The following ITGB4 variants were observed in gnomAD, a reference collection of about 807,000 sequenced individuals.
The protein encoded by ITGB4 is integrin beta-4.
ITGB4 carries 159 observed loss-of-function variants against 207.6 expected under a neutral mutation model. That is an observed-to-expected ratio of 0.77 (90% CI 0.67 to 0.87). ITGB4 has a LOEUF of 0.87. Among genes scored for constraint, ITGB4 ranks in the 40% least tolerant of loss-of-function variants. ITGB4 has a pLI of 0.00. For synonymous variants in ITGB4, 1,020 were observed against 1,062.7 expected (o/e 0.96, Z 0.78); for missense variants, 2,278 against 2,546.8 (o/e 0.89, Z 2.27).
chr17:75,752,568 G>A lies in ITGB4; in HGVS notation c.4099G>A (p.Asp1367Asn), dbSNP rs150008568. Residue 1367 changes from aspartate (D) to asparagine (N), a missense_variant, in exon 32 of 40, where the codon GAT becomes AAT. Asp to Asn is a conservative substitution (Grantham distance 23). Transcript: ENST00000200181. ...GGGCAGCCAGAGGCCCAGCGTCTCCGATGACACTGGTGAGTGGAGACCTGG... is the reference window on the plus strand; with the variant it reads ...GGGCAGCCAGAGGCCCAGCGTCTCCAATGACACTGGTGAGTGGAGACCTGG... Reference protein sequence around the residue: ...PSGSQRPSVSDDTGCGWKFEP... With the variant: ...PSGSQRPSVSNDTGCGWKFEP... The A allele has an allele frequency of 3.5e-5, 56 of 1,613,574 alleles. No individual in the cohort carries two copies. Among genetic ancestry groups the A allele is most frequent in the South Asian group, 8.8e-5 (8 of 91,082 alleles).
chr17:75,733,385 C>CAAA, intron 12 of ITGB4, 105 bp from the exon 13 acceptor site: 35 of 810,256 alleles, frequency 4.3e-5, no homozygotes, highest in South Asian at 7.1e-5. Context: ...GACTCCGTCT[C>CAAA]AAAAAAAAAA....
At chr17:75,745,839 A>C (rs1327522118) in intron 26 of ITGB4, among the ~76,000 whole-genome samples, 3 of 152,130 alleles carry the variant, frequency 2.0e-5, no homozygotes, top group Admixed American at 6.6e-5. Flanking sequence ...AGATCATGCC[A>C]CTGCACTACA....
chr17:75,744,703 G>A (rs1410915569), intron 26 of ITGB4, among the ~76,000 whole-genome samples: 1 of 152,216 alleles, frequency 6.6e-6, no homozygotes, highest in Non-Finnish European at 1.5e-5. Context: ...GAGCCCCAGT[G>A]CTGGGGTACA....
At position 75,742,498 on chromosome 17, in the gene ITGB4, G is replaced by A; in HGVS notation, c.2782+9G>A. On this transcript the variant is annotated intron_variant, in intron 24 of 39. Coordinates refer to ENST00000200181, the MANE Select transcript of ITGB4 (RefSeq NM_000213.5). The surrounding 1 kb of genome is among the most constrained non-coding windows in gnomAD (Gnocchi z 5.9). ...CCTCACTGCAGACCAGGGTAGGAGGGCGGGTCCGCTGTGCCACTGCCTCGC... is the reference window on the plus strand; with the variant it reads ...CCTCACTGCAGACCAGGGTAGGAGGACGGGTCCGCTGTGCCACTGCCTCGC... 2 of 1,613,074 alleles carry A rather than the reference G, an allele frequency of 1.2e-6. No homozygotes were observed. The highest frequency in any genetic ancestry group is 1.1e-5 in the South Asian group (1 of 91,038).
rs772133045 is a variant in ITGB4 at position 75,728,370 on chromosome 17, C to T, written c.470-7C>T. 1.9e-6 allele frequency: 3 copies of T among 1,613,792 alleles called. No homozygotes were observed. The Admixed American group carries it at 5.0e-5, about 27-fold the overall frequency. On this transcript the variant is annotated splice_region_variant and splice_polypyrimidine_tract_variant and intron_variant, in intron 5 of 39. Coordinates refer to ENST00000200181, the MANE Select transcript of ITGB4 (RefSeq NM_000213.5). Reference sequence around the variant, plus strand: ...AGCTATCCCCTCTCTGTCCTTTTGACATCCAGCTCGGGTCCTGAGCCAGCT... The same window carrying T: ...AGCTATCCCCTCTCTGTCCTTTTGATATCCAGCTCGGGTCCTGAGCCAGCT...
In ITGB4 at chr17:75,756,798, A is replaced by G; in HGVS notation, c.4992A>G (p.Pro1664=). The G allele has an allele frequency of 1.9e-6, 3 of 1,612,630 alleles. No individual in the cohort carries two copies. The highest frequency in any genetic ancestry group is 2.5e-6 in the Non-Finnish European group (3 of 1,180,004). ...CGCTGCAGCTGAGCTGGGAGCGGCC[A>G]CGGAGGCCCAATGGGGATATCGTCG... ...PDSLQLSWER[P]RRPNGDIVGY... is the part of the protein sequence containing the mutation. Residue 1664 remains proline, a synonymous_variant, in exon 37 of 40, where the codon CCA becomes CCG. Transcript: ENST00000200181.
chr17:75,730,035 G>A (rs559292360), intron 7 of ITGB4, among the ~76,000 whole-genome samples: 16 of 152,364 alleles, frequency 1.1e-4, no homozygotes, highest in East Asian at 3.9e-4. Context: ...AGCGCCTTGC[G>A]GGGGCCGCAT....
At position 75,757,589 on chromosome 17, in the gene ITGB4, AG is replaced by A; in HGVS notation, c.*36del. ...TGCCCCACCCCCGCCACGTCCCACT[AG>A]GCGTCCTCCCGACTCCTCTCCCGGA... On this transcript the variant is annotated 3_prime_UTR_variant, in exon 40 of 40. Coordinates refer to ENST00000200181, the MANE Select transcript of ITGB4 (RefSeq NM_000213.5). The A allele has an allele frequency of 6.2e-7, 1 of 1,612,516 alleles. No individual in the cohort carries two copies. The highest frequency in any genetic ancestry group is 1.1e-5 in the South Asian group (1 of 91,060).
chr17:75,742,416 G>A lies in ITGB4; in HGVS notation c.2709G>A (p.Glu903=). Residue 903 remains glutamate (E), a synonymous_variant, in exon 24 of 40, where the codon GAG becomes GAA. Transcript: ENST00000200181. The surrounding 1 kb of genome is among the most constrained non-coding windows in gnomAD (Gnocchi z 5.9). ...AGCCGGCCCTGCTGAAGCTTACAGA[G>A]AAGCAGGTGGAACAGAGGGCCTTCC... ...SAKPALLKLT[E]KQVEQRAFHD... 6.2e-7 allele frequency: 1 copy of A among 1,613,340 alleles called. No individual in the cohort carries two copies. Among genetic ancestry groups the A allele is most frequent in the Non-Finnish European group, 8.5e-7 (1 of 1,179,944 alleles).
In ITGB4 at chr17:75,752,186, C is replaced by A. The variant is rs746679045; in HGVS notation, c.3806C>A (p.Pro1269His). 1.9e-6 allele frequency: 3 copies of A among 1,613,964 alleles called. No homozygotes were observed. The highest frequency in any genetic ancestry group is 1.1e-5 in the South Asian group (1 of 91,080). Residue 1269 changes from proline to histidine, a missense_variant, in exon 31 of 40, where the codon CCC (proline) becomes CAC (histidine). Coordinates refer to ENST00000200181, the MANE Select transcript of ITGB4 (RefSeq NM_000213.5). The stretch of plus-strand genomic sequence containing the variant: ...CTCTCTGCCCCAGGACCTATTGGGC[C>A]CATGAAGAAAGTGCTGGTTGACAAC... ...LVNDDNRPIG[P>H]MKKVLVDNPK...
chr17:75,742,898 T>C lies in ITGB4; in HGVS notation c.2962+137T>C. ...CTCTGCAAGCCTTGGTTTCTCCATCTGTAAAATGGGTAAGGGCTCTTTTAC... is the reference window on the plus strand; with the variant it reads ...CTCTGCAAGCCTTGGTTTCTCCATCCGTAAAATGGGTAAGGGCTCTTTTAC... On this transcript the variant is annotated intron_variant, in intron 25 of 39. Transcript: ENST00000200181. This position sits in a 1 kb window ranked among gnomAD's most constrained non-coding sequence, Gnocchi z 5.9. 1 of 809,628 alleles carries C rather than the reference T, an allele frequency of 1.2e-6. No homozygotes were observed. Among genetic ancestry groups the C allele is most frequent in the Non-Finnish European group, 1.9e-6 (1 of 517,604 alleles). The allele number at this position is 809,628 out of a possible 1,614,324, so 50.2% of individuals were successfully genotyped here.
chr17:75,735,222 G>T (rs1243521257), intron 13 of ITGB4, among the ~76,000 whole-genome samples: 4 of 151,670 alleles, frequency 2.6e-5, no homozygotes. Context: ...CAAGAAGCTG[G>T]GATTACAGGG....
chr17:75,740,597 C>A lies in ITGB4; in HGVS notation c.2550+136C>A. ...GGGGTCTCTCTGGACCTGTGCCTGG[C>A]AGGGGGCATCCTGGGATCTGTTTCC... On this transcript the variant is annotated intron_variant, in intron 21 of 39. Coordinates refer to ENST00000200181, the MANE Select transcript of ITGB4 (RefSeq NM_000213.5). The surrounding 1 kb of genome is among the most constrained non-coding windows in gnomAD (Gnocchi z 5.9). 1 of 951,796 alleles carries A rather than the reference C, an allele frequency of 1.1e-6. No homozygotes were observed. Among genetic ancestry groups the A allele is most frequent in the Non-Finnish European group, 1.7e-6 (1 of 604,022 alleles). 59.0% of individuals were successfully genotyped at this position (951,796 alleles called of 1,614,324 possible).
Position 75,756,908 on chromosome 17 carries a change from G to C in ITGB4, c.5054-35G>C, listed in dbSNP as rs56149979. The C allele has an allele frequency of 8.8e-3, 14,218 of 1,612,152 alleles. 1,011 individuals are homozygous for C. In the African/African-American group the frequency reaches 0.16, roughly 18 times the overall value. Reference sequence around the variant, plus strand: ...AGTGGCCAGGGGAGGGGTAAAGAGGGGGCCGCAGACGCTGAAGGCATCTTC... The same window carrying C: ...AGTGGCCAGGGGAGGGGTAAAGAGGCGGCCGCAGACGCTGAAGGCATCTTC... On this transcript the variant is annotated intron_variant, in intron 37 of 39. Transcript: ENST00000200181.
In ITGB4 at chr17:75,756,657, G is replaced by A. The variant is rs779695733; in HGVS notation, c.4897+40G>A. 7.4e-6 allele frequency: 12 copies of A among 1,611,984 alleles called. No individual in the cohort carries two copies. In the South Asian group the frequency reaches 1.2e-4, roughly 16 times the overall value. On this transcript the variant is annotated intron_variant, in intron 36 of 39. Coordinates refer to ENST00000200181, the MANE Select transcript of ITGB4 (RefSeq NM_000213.5). ...CCAGCCCCAGAGCTGCCCCCATCAT[G>A]CCCACCACCCACCCACAGGCTGATG...
chr17:75,730,573 T>TCC, intron 8 of ITGB4, 69 bp downstream of exon 8: 1 of 1,251,874 alleles, frequency 8.0e-7, no homozygotes, highest in Non-Finnish European at 1.1e-6. Flanking sequence ...CTCAGACACC[T>TCC]CTCCCTCCCT....
In ITGB4 at chr17:75,731,450, A is replaced by G. The variant is rs2060856240; in HGVS notation, c.1215+82A>G. The G allele has an allele frequency of 2.1e-6, 3 of 1,426,208 alleles. No individual in the cohort carries two copies. The highest frequency in any genetic ancestry group is 2.9e-6 in the Non-Finnish European group (3 of 1,038,394). 88.3% of individuals were successfully genotyped at this position (1,426,208 alleles called of 1,614,324 possible). A position where few individuals can be genotyped will look rare whatever the true frequency, so the allele number is the denominator to read the frequency against. ...GGAATCGTTTAAAACAGCGGTCAAG[A>G]GCGTGGCCCCTGGAGTCAGGCAGGC... On this transcript the variant is annotated intron_variant, in intron 10 of 39. Coordinates refer to ENST00000200181, the MANE Select transcript of ITGB4 (RefSeq NM_000213.5). This position sits in a 1 kb window ranked among gnomAD's most constrained non-coding sequence, Gnocchi z 6.8.
intron 25 of ITGB4, among the ~76,000 whole-genome samples, chr17:75,743,065 T>G (rs906126564): frequency 2.6e-5 from 4 of 152,060 alleles, no homozygotes. Context: ...CATCACACCG[T>G]GGACATCTGA....
intron 32 of ITGB4, 44 bp from the exon 33 acceptor site, chr17:75,753,711 TGCTCGGCCCG>T: frequency 8.0e-7 from 1 of 1,246,942 alleles, no homozygotes; most frequent in Non-Finnish European, 1.0e-6. Flanking sequence ...CGCCTGGCCC[TGCTCGGCCCG>T]GCGCCCCCCG....
Sources: allele counts gnomAD v4.1 joint callset (sites outside exome capture counted in the v4.1 genomes callset), GRCh38; gene constraint gnomAD v4.1.1; non-coding constraint Gnocchi (gnomAD v3.1); transcripts MANE v1.5; gene names NCBI Gene and HGNC (gene_info 2026-07-23, HGNC 2026-07-21).